Variants in LRP5 observed in about 807,000 individuals in gnomAD.
The protein encoded by LRP5 is low-density lipoprotein receptor-related protein 5.
In LRP5, 62 loss-of-function variants were observed where a neutral mutation model predicts 154.1. That is an observed-to-expected ratio of 0.40 (90% CI 0.33 to 0.50). LRP5 has a LOEUF of 0.50. LRP5 is among the 20% of genes least tolerant of loss of function. LRP5 has a pLI of 0.55. For missense variants in LRP5, 1,915 were observed against 2,336.7 expected, an observed-to-expected ratio of 0.82 and a Z score of 3.72; for synonymous variants, 966 against 1,011.5, an observed-to-expected ratio of 0.96 and a Z score of 0.85.
intron 2 of LRP5, among the ~76,000 whole-genome samples, chr11:68,356,198 G>A (rs1476082961): frequency 6.7e-6 from 1 of 149,598 alleles, no homozygotes; most frequent in East Asian, 2.0e-4. Flanking sequence ...CTGGAGTGCA[G>A]TGGTACAGTC....
At chr11:68,345,096 C>A (rs1440806706) in intron 1 of LRP5, among the ~76,000 whole-genome samples, 2 of 151,414 alleles carry the variant, frequency 1.3e-5, no homozygotes, top group Non-Finnish European at 1.5e-5. Context: ...TTCCTGACTT[C>A]AGGTGATCCA....
Position 68,348,488 on chromosome 11 carries a change from G to A in LRP5, c.488+245G>A, listed in dbSNP as rs1283388489. Among the ~76,000 whole-genome samples the A allele has an allele frequency of 4.2e-5, 6 of 142,494 alleles. No individual in the cohort carries two copies. In the South Asian group the frequency reaches 1.1e-3, roughly 27 times the overall value. 93.5% of individuals were successfully genotyped at this position (142,494 alleles called of 152,430 possible). ...TGTCACTCTTAAAATGAACCCGTGG[G>A]GGGGTTGGCTCAGGCCTGTAACCCC... On this transcript the variant is annotated intron_variant, in intron 2 of 22. Transcript: ENST00000294304.
the LRP5 span, among the ~76,000 whole-genome samples, chr11:68,304,695 C>G: frequency 1.3e-5 from 2 of 152,372 alleles, no homozygotes; most frequent in East Asian, 3.9e-4. Context: ...GGAGCCTGCC[C>G]CTTGCACCAG....
chr11:68,319,651 C>G (rs923762366), intron 1 of LRP5, among the ~76,000 whole-genome samples: 6 of 152,202 alleles, frequency 3.9e-5, no homozygotes, highest in African/African-American at 1.2e-4. Flanking sequence ...CCATCACACC[C>G]TACTTTGTAC....
intron 6 of LRP5, among the ~76,000 whole-genome samples, chr11:68,389,382 T>C (rs2098644974): frequency 6.7e-6 from 1 of 150,218 alleles, no homozygotes; most frequent in Non-Finnish European, 1.5e-5. Flanking sequence ...CTACTGACAC[T>C]GACATTTACC....
intron 21 of LRP5, 73 bp from the exon 22 acceptor site, chr11:68,446,363 G>A (rs1591338332): frequency 1.9e-6 from 2 of 1,052,142 alleles, no homozygotes; most frequent in Admixed American, 1.7e-5. Context: ...AGGAAAGCCC[G>A]AGGGGTGTGG....
At chr11:68,425,722 G>C (rs1364042836) in intron 15 of LRP5, among the ~76,000 whole-genome samples, 1 of 152,216 alleles carries the variant, frequency 6.6e-6, no homozygotes. Flanking sequence ...CATGCTTGCA[G>C]GGGCCAGTGA....
upstream of LRP5, among the ~76,000 whole-genome samples, chr11:68,312,101 G>A (rs2098588299): frequency 2.0e-5 from 3 of 152,240 alleles, no homozygotes; most frequent in South Asian, 4.1e-4. Context: ...CTAAGGTAGA[G>A]GGTACACATT....
intron 1 of LRP5, among the ~76,000 whole-genome samples, chr11:68,343,366 TTGTGTG>T (rs143565554): frequency 1.7e-4 from 25 of 151,242 alleles, no homozygotes; most frequent in Non-Finnish European, 3.5e-4. Context: ...CACTGTGTAT[TTGTGTG>T]TGTGTGTGTT....
Position 68,429,494 on chromosome 11 carries a change from A to C in LRP5, c.3638-81A>C, listed in dbSNP as rs35872575. 2.2e-3 allele frequency: 3,540 copies of C among 1,589,044 alleles called. 81 individuals carry two copies. In the African/African-American group the frequency reaches 0.043, roughly 19 times the overall value. On this transcript the variant is annotated intron_variant, in intron 16 of 22. Transcript: ENST00000294304. ...GGAGGGCCAGTTCTCATGAGTTCTC[A>C]TTTGGCCCCTACCCTCCAGGCTGTG... is the stretch of plus-strand genomic sequence containing the variant.
At chr11:68,349,026 C>CCT (rs2153130481) in intron 2 of LRP5, among the ~76,000 whole-genome samples, 1 of 127,290 alleles carries the variant, frequency 7.9e-6, no homozygotes, top group South Asian at 2.3e-4. Flanking sequence ...TAGTTATGTT[C>CCT]CTTTTTTTTT....
intron 2 of LRP5, among the ~76,000 whole-genome samples, chr11:68,356,733 C>T (rs2098623480): frequency 6.6e-6 from 1 of 152,148 alleles, no homozygotes; most frequent in Admixed American, 6.5e-5. Context: ...CAGGATAGTT[C>T]CACTGCCCTG....
intron 1 of LRP5, among the ~76,000 whole-genome samples, chr11:68,334,939 A>G (rs1229833308): frequency 6.6e-6 from 1 of 152,154 alleles, no homozygotes; most frequent in Non-Finnish European, 1.5e-5. Flanking sequence ...TATTCTTGAA[A>G]GTTATGCTCC....
chr11:68,416,821 G>C (rs1284201725), intron 13 of LRP5, among the ~76,000 whole-genome samples: 1 of 152,220 alleles, frequency 6.6e-6, no homozygotes, highest in East Asian at 1.9e-4. Context: ...GTGTCATGCA[G>C]GGGTAGTTGG....
the LRP5 span, among the ~76,000 whole-genome samples, chr11:68,305,468 G>T: frequency 6.6e-6 from 1 of 152,024 alleles, no homozygotes; most frequent in African/African-American, 2.4e-5. Flanking sequence ...TTGAGACAGG[G>T]TTTCTCTCTT....
intron 19 of LRP5, among the ~76,000 whole-genome samples, chr11:68,438,094 G>T (rs755475663): frequency 6.6e-6 from 1 of 152,214 alleles, no homozygotes; most frequent in African/African-American, 2.4e-5. Flanking sequence ...GGCTTTGCTC[G>T]TTCACCAACA....
intron 12 of LRP5, among the ~76,000 whole-genome samples, chr11:68,415,357 C>T (rs558856902): frequency 3.3e-5 from 5 of 152,296 alleles, no homozygotes; most frequent in South Asian, 2.1e-4. Flanking sequence ...CATAGCAAAC[C>T]GCACACACAG....
intron 16 of LRP5, among the ~76,000 whole-genome samples, chr11:68,429,045 C>T (rs531303442): frequency 1.0e-3 from 151 of 145,734 alleles, no homozygotes; most frequent in Non-Finnish European, 1.9e-3. Flanking sequence ...TGCAGTGAGC[C>T]GAGATCATGC....
chr11:68,340,100 C>T (rs553963547), intron 1 of LRP5, among the ~76,000 whole-genome samples: 9 of 152,160 alleles, frequency 5.9e-5, no homozygotes, highest in Non-Finnish European at 1.0e-4. Flanking sequence ...ATTAGCTGGG[C>T]GTGGTGGCGT....
Sources: gnomAD v4.1 joint callset for allele counts (sites outside exome capture counted in the v4.1 genomes callset) on GRCh38, gnomAD v4.1.1 for gene constraint, MANE v1.5 for transcripts, NCBI Gene and HGNC (gene_info 2026-07-23, HGNC 2026-07-21) for gene names.